The following CNBD1 variants were observed in gnomAD, a reference collection of about 807,000 sequenced individuals.
The protein encoded by CNBD1 is cyclic nucleotide-binding domain-containing protein 1.
CNBD1 carries 71 observed loss-of-function variants against 54.4 expected under a neutral mutation model. That is an observed-to-expected ratio of 1.30 (90% CI 1.08 to 1.59). CNBD1 has a LOEUF of 1.59. CNBD1 is among the 40% of genes most tolerant of loss of function. CNBD1 has a pLI of 0.00. For missense variants in CNBD1, 659 were observed against 518.0 expected, an observed-to-expected ratio of 1.27 and a Z score of -2.64; for synonymous variants, 182 against 170.7, an observed-to-expected ratio of 1.07 and a Z score of -0.51.
intron 4 of CNBD1, among the ~76,000 whole-genome samples, chr8:87,081,444 T>C (rs1237838672): frequency 6.6e-6 from 1 of 152,078 alleles, no homozygotes; most frequent in Non-Finnish European, 1.5e-5. Context: ...GAATGTACCA[T>C]GTGCATTTGA....
At chr8:87,280,565 G>C (rs183238816) in intron 6 of CNBD1, among the ~76,000 whole-genome samples, 1 of 151,386 alleles carries the variant, frequency 6.6e-6, no homozygotes, top group Non-Finnish European at 1.5e-5. Flanking sequence ...AAAAATAGTA[G>C]CTCTAATTTT....
chr8:87,386,333 C>T (rs770587404), downstream of CNBD1, among the ~76,000 whole-genome samples: 47 of 151,834 alleles, frequency 3.1e-4, no homozygotes, highest in Admixed American at 1.2e-3. Flanking sequence ...GCAGGAAGTT[C>T]GAACCCATGG....
chr8:87,390,748 C>A (rs764585921), intron 2 of CNBD1, among the ~76,000 whole-genome samples: 1 of 152,108 alleles, frequency 6.6e-6, no homozygotes, highest in Admixed American at 6.6e-5. Flanking sequence ...TGGGTATATA[C>A]CCGAAGGCTT....
chr8:86,898,109 T>C (rs1808875610), intron 2 of CNBD1, among the ~76,000 whole-genome samples: 1 of 152,156 alleles, frequency 6.6e-6, no homozygotes, highest in Non-Finnish European at 1.5e-5. Flanking sequence ...AAAAAGTAAG[T>C]TGCAGATAGA....
chr8:87,018,112 G>C (rs1335675957), intron 4 of CNBD1, among the ~76,000 whole-genome samples: 1 of 152,016 alleles, frequency 6.6e-6, no homozygotes, highest in Admixed American at 6.6e-5. Flanking sequence ...GCATGGTGGC[G>C]CATGCCTGTA....
intron 4 of CNBD1, among the ~76,000 whole-genome samples, chr8:87,019,044 T>C (rs538276981): frequency 6.6e-6 from 1 of 152,340 alleles, no homozygotes; most frequent in East Asian, 1.9e-4. Flanking sequence ...CTGGGTATAA[T>C]ACTCCCAATT....
At chr8:87,053,513 A>G (rs1002281189) in intron 4 of CNBD1, among the ~76,000 whole-genome samples, 4 of 152,216 alleles carry the variant, frequency 2.6e-5, no homozygotes, top group Non-Finnish European at 4.4e-5. Context: ...GTGACCCAGC[A>G]TGGAGAAAAA....
chr8:87,169,672 C>A (rs1259381048), intron 4 of CNBD1, among the ~76,000 whole-genome samples: 7 of 152,032 alleles, frequency 4.6e-5, no homozygotes, highest in Non-Finnish European at 7.4e-5. Flanking sequence ...ACTGTCCTTT[C>A]CCTAATGTAT....
intron 4 of CNBD1, among the ~76,000 whole-genome samples, chr8:87,080,605 T>C (rs1018329819): frequency 6.6e-6 from 1 of 152,204 alleles, no homozygotes; most frequent in Admixed American, 6.5e-5. Context: ...ATTTCCCTTT[T>C]ACTTTCTGCA....
At chr8:87,042,513 A>G (rs1563446828) in intron 4 of CNBD1, among the ~76,000 whole-genome samples, 1 of 152,210 alleles carries the variant, frequency 6.6e-6, no homozygotes, top group Non-Finnish European at 1.5e-5. Flanking sequence ...TGGAAAGATG[A>G]GGTAGTTGGT....
chr8:87,010,957 G>T (rs572501222), intron 4 of CNBD1, among the ~76,000 whole-genome samples: 2 of 152,192 alleles, frequency 1.3e-5, no homozygotes, highest in East Asian at 3.9e-4. Context: ...ATTGGACATT[G>T]AGTGTGAAAT....
intron 4 of CNBD1, among the ~76,000 whole-genome samples, chr8:86,945,366 A>G (rs2130436512): frequency 6.6e-6 from 1 of 152,288 alleles, no homozygotes; most frequent in East Asian, 1.9e-4. Context: ...ATGCAAAGCC[A>G]CTTCTCAGGA....
At chr8:87,277,257 G>A (rs1808501888) in intron 6 of CNBD1, among the ~76,000 whole-genome samples, 1 of 151,670 alleles carries the variant, frequency 6.6e-6, no homozygotes, top group South Asian at 2.1e-4. Flanking sequence ...AGCTGTCAAG[G>A]AGGATAATTC....
chr8:86,902,203 T>G (rs1276948450), intron 2 of CNBD1, among the ~76,000 whole-genome samples: 1 of 152,116 alleles, frequency 6.6e-6, no homozygotes, highest in Non-Finnish European at 1.5e-5. Flanking sequence ...CTAGACTACA[T>G]TTACCAACCT....
intron 8 of CNBD1, among the ~76,000 whole-genome samples, chr8:87,319,730 A>G (rs917351150): frequency 1.3e-5 from 2 of 152,086 alleles, no homozygotes; most frequent in African/African-American, 4.8e-5. Flanking sequence ...TTGAAAAATA[A>G]TAATGCTCTA....
At chr8:87,416,706 A>G (rs1410716188) in intron 2 of CNBD1, among the ~76,000 whole-genome samples, 1 of 152,038 alleles carries the variant, frequency 6.6e-6, no homozygotes, top group Admixed American at 6.6e-5. Flanking sequence ...TGAAAACAGT[A>G]AGAGGCAATT....
At chr8:87,155,895 T>A (rs1745020101) in intron 4 of CNBD1, among the ~76,000 whole-genome samples, 1 of 152,134 alleles carries the variant, frequency 6.6e-6, no homozygotes, top group Non-Finnish European at 1.5e-5. Flanking sequence ...AGCATTACAT[T>A]AAACACTTTA....
intron 8 of CNBD1, among the ~76,000 whole-genome samples, chr8:87,293,968 G>C (rs1452494328): frequency 6.6e-6 from 1 of 152,118 alleles, no homozygotes; most frequent in Non-Finnish European, 1.5e-5. Context: ...GTAGTCTCAG[G>C]CATTTTAAAT....
intron 10 of CNBD1, among the ~76,000 whole-genome samples, chr8:87,380,207 C>A (rs1483062580): frequency 6.6e-6 from 1 of 151,792 alleles, no homozygotes; most frequent in African/African-American, 2.4e-5. Flanking sequence ...TGTCAAATGT[C>A]AAGATAGAAA....
Sources: allele counts gnomAD v4.1 joint callset (sites outside exome capture counted in the v4.1 genomes callset), GRCh38; gene constraint gnomAD v4.1.1; transcripts MANE v1.5; gene names NCBI Gene and HGNC (gene_info 2026-07-23, HGNC 2026-07-21).